Variants in RAB15 observed in about 807,000 individuals in gnomAD.
The protein encoded by RAB15 is RAB15, member RAS oncogene family, also known as ras-related protein Rab-15.
In RAB15, 13 loss-of-function variants were observed where a neutral mutation model predicts 31.8. That is an observed-to-expected ratio of 0.41 (90% CI 0.27 to 0.65). The LOEUF is 0.65. Among genes scored for constraint, RAB15 ranks in the 30% least tolerant of loss-of-function variants. The pLI, the probability that RAB15 is intolerant of heterozygous loss-of-function variation, is 0.32. For missense variants in RAB15, 220 were observed against 277.3 expected (o/e 0.79, Z 1.47); for synonymous variants, 100 against 105.6 (o/e 0.95, Z 0.33).
rs982171081 is a variant in RAB15, at chr14:64,948,817, A to C, written c.415-84T>G. ...ACCAGGCACAGGCTTCTGCCACTGC[A>C]CTCACAACCATGCTGTGTTGTGACG... On this transcript the variant is annotated intron_variant, in intron 5 of 6. Transcript: ENST00000533601. This position sits in a 1 kb window ranked among gnomAD's most constrained non-coding sequence, Gnocchi z 7.0. The C allele has an allele frequency of 5.2e-6, 6 of 1,160,334 alleles. No homozygotes were observed. In the Admixed American group the frequency reaches 7.4e-5, roughly 14 times the overall value. The allele number at this position is 1,160,334 out of a possible 1,614,324, so 71.9% of individuals were successfully genotyped here.
Position 64,952,368 on chromosome 14 carries a change from T to C in RAB15, c.185+143A>G. The stretch of plus-strand genomic sequence containing the variant: ...TTAAGGCTTATAGGAAGAGATGGGC[T>C]TCTGAGACTTCGCTTCCATCCATCA... On this transcript the variant is annotated intron_variant, in intron 2 of 6. Coordinates refer to ENST00000533601, the MANE Select transcript of RAB15 (RefSeq NM_001308154.2). This position sits in a 1 kb window ranked among gnomAD's most constrained non-coding sequence, Gnocchi z 4.2. 1.5e-6 allele frequency: 1 copy of C among 652,370 alleles called. No individual in the cohort carries two copies. The highest frequency in any genetic ancestry group is 1.9e-5 in the South Asian group (1 of 53,684). The allele number at this position is 652,370 out of a possible 1,614,324, so 40.4% of individuals were successfully genotyped here.
rs2139984707 is a variant in RAB15 at position 64,958,222 on chromosome 14, C to T, written c.125-5651G>A. On this transcript the variant is annotated intron_variant, in intron 1 of 6. Transcript: ENST00000533601. This position sits in a 1 kb window ranked among gnomAD's most constrained non-coding sequence, Gnocchi z 4.4. The stretch of plus-strand genomic sequence containing the variant: ...CTGCTGTGGTCTGAAGGTCTGTGTT[C>T]CTCCAAAATTCCCATATTGAAACTT... 6.6e-6 allele frequency: 1 copy of T among 152,356 alleles called. No homozygotes were observed. Among genetic ancestry groups the T allele is most frequent in the East Asian group, 1.9e-4 (1 of 5,184 alleles). The allele number at this position is 152,356 out of a possible 1,614,324, so 9.4% of individuals were successfully genotyped here. A position where few individuals can be genotyped will look rare whatever the true frequency, so the allele number is the denominator to read the frequency against.
intron 1 of RAB15, among the ~76,000 whole-genome samples, chr14:64,967,095 A>G (rs1014702034): frequency 5.3e-5 from 8 of 150,814 alleles, no homozygotes; most frequent in Non-Finnish European, 1.0e-4. Context: ...CAGTCCCAGC[A>G]GAACTCCTTG....
chr14:64,964,567 C>T (rs890163050), intron 1 of RAB15, among the ~76,000 whole-genome samples: 2 of 150,938 alleles, frequency 1.3e-5, no homozygotes, highest in South Asian at 4.2e-4. Flanking sequence ...AAACAAACCA[C>T]TTTTTTTTGT....
chr14:64,948,122 G>T lies in RAB15; in HGVS notation c.*232C>A. ...TCGTGGGGGTCGTAGCAGGCCTGTG[G>T]CTGGGGAAACAGGCTGAAGAAGACC... On this transcript the variant is annotated 3_prime_UTR_variant, in exon 7 of 7. Transcript: ENST00000533601. The surrounding 1 kb of genome is among the most constrained non-coding windows in gnomAD (Gnocchi z 7.0). The T allele has an allele frequency of 2.2e-6, 1 of 462,496 alleles. No homozygotes were observed. Among genetic ancestry groups the T allele is most frequent in the East Asian group, 3.4e-5 (1 of 29,080 alleles). 28.6% of individuals were successfully genotyped at this position (462,496 alleles called of 1,614,324 possible).
At position 64,950,537 on chromosome 14, in the gene RAB15, A is replaced by G; in HGVS notation, c.325-123T>C. ...AGAGCCCTAGGGACAGGGTGGGCCG[A>G]CTGGATGCAGGTGCCAGGCTCCCCC... On this transcript the variant is annotated intron_variant, in intron 4 of 6. Transcript: ENST00000533601. This position sits in a 1 kb window ranked among gnomAD's most constrained non-coding sequence, Gnocchi z 5.6. 1 of 836,878 alleles carries G rather than the reference A, an allele frequency of 1.2e-6. No homozygotes were observed. Among genetic ancestry groups the G allele is most frequent in the South Asian group, 1.4e-5 (1 of 70,918 alleles). The allele number at this position is 836,878 out of a possible 1,614,324, so 51.8% of individuals were successfully genotyped here.
chr14:64,972,008 G>C lies in RAB15; in HGVS notation c.69C>G (p.Cys23Trp). Residue 23 changes from cysteine (C) to tryptophan (W), a missense_variant, in exon 1 of 7, where the codon TGC becomes TGG. Coordinates refer to ENST00000533601, the MANE Select transcript of RAB15 (RefSeq NM_001308154.2). The surrounding 1 kb of genome is among the most constrained non-coding windows in gnomAD (Gnocchi z 6.3). ...LIGDSGVGKT[C>W]LLCRFTDNEF... ...CGTTGTCGGTGAAGCGGCACAGCAG[G>C]CAGGTCTTGCCCACCCCGGAGTCCC... 6.2e-7 allele frequency: 1 copy of C among 1,608,562 alleles called. No individual in the cohort carries two copies. Among genetic ancestry groups the C allele is most frequent in the Non-Finnish European group, 8.5e-7 (1 of 1,177,590 alleles).
At position 64,948,531 on chromosome 14, in the gene RAB15, A is replaced by G; in HGVS notation, c.481-19T>C. 1 of 1,600,186 alleles carries G rather than the reference A, an allele frequency of 6.2e-7. No individual in the cohort carries two copies. The highest frequency in any genetic ancestry group is 8.5e-7 in the Non-Finnish European group (1 of 1,172,296). The stretch of plus-strand genomic sequence containing the variant: ...TGAATGACTGGAAACCAAAGGGCAC[A>G]GGTTAGTCCAGTGTCTCCTCCTCTC... On this transcript the variant is annotated intron_variant, in intron 6 of 6. Coordinates refer to ENST00000533601, the MANE Select transcript of RAB15 (RefSeq NM_001308154.2). This position sits in a 1 kb window ranked among gnomAD's most constrained non-coding sequence, Gnocchi z 7.0.
chr14:64,950,850 T>C lies in RAB15; in HGVS notation c.324+224A>G. 1.1e-6 allele frequency: 1 copy of C among 873,124 alleles called. No homozygotes were observed. The highest frequency in any genetic ancestry group is 1.8e-6 in the Non-Finnish European group (1 of 548,922). The allele number at this position is 873,124 out of a possible 1,614,324, so 54.1% of individuals were successfully genotyped here. A position where few individuals can be genotyped will look rare whatever the true frequency, so the allele number is the denominator to read the frequency against. ...GCTCACAGGGAAGACTTGGAACTAA[T>C]TCATTTCCGGGAAAGACACAGCCGT... On this transcript the variant is annotated intron_variant, in intron 4 of 6. Coordinates refer to ENST00000533601, the MANE Select transcript of RAB15 (RefSeq NM_001308154.2). The surrounding 1 kb of genome is among the most constrained non-coding windows in gnomAD (Gnocchi z 5.6).
rs766518800 is a variant in RAB15 at position 64,951,555 on chromosome 14, G to C, written c.246+48C>G. ...ACATCTCAAATACCCAGAGCTGGGA[G>C]TGTGGGTGGCAGCTTCCCACTTTGA... On this transcript the variant is annotated intron_variant, in intron 3 of 6. Coordinates refer to ENST00000533601, the MANE Select transcript of RAB15 (RefSeq NM_001308154.2). This position sits in a 1 kb window ranked among gnomAD's most constrained non-coding sequence, Gnocchi z 7.2. 2 of 1,511,594 alleles carry C rather than the reference G, an allele frequency of 1.3e-6. No individual in the cohort carries two copies. Among genetic ancestry groups the C allele is most frequent in the Non-Finnish European group, 1.8e-6 (2 of 1,086,152 alleles). The allele number at this position is 1,511,594 out of a possible 1,614,324, so 93.6% of individuals were successfully genotyped here. A position where few individuals can be genotyped will look rare whatever the true frequency, so the allele number is the denominator to read the frequency against.
At chr14:64,963,328 C>T (rs966466810) in intron 1 of RAB15, among the ~76,000 whole-genome samples, 3 of 151,998 alleles carry the variant, frequency 2.0e-5, no homozygotes, top group African/African-American at 7.2e-5. Context: ...CCATGTTGAC[C>T]AGGCTGGGTC....
In RAB15 at chr14:64,948,381, C is replaced by T. The variant is rs779668016; in HGVS notation, c.612G>A (p.Ala204=). 67 of 1,599,612 alleles carry T rather than the reference C, an allele frequency of 4.2e-5. No individual in the cohort carries two copies. The highest frequency in any genetic ancestry group is 1.0e-4 in the South Asian group (9 of 89,102). ...AGCACCAGCAGGTTTTCGAAGAGTT[C>T]GCTGGGCCCTCGGGTTTGCCCTCCT... The part of the protein sequence containing the change: ...EEEEGKPEGP[A]NSSKTCWC Residue 204 remains alanine, a synonymous_variant, in exon 7 of 7, where the codon GCG becomes GCA. Transcript: ENST00000533601. The surrounding 1 kb of genome is among the most constrained non-coding windows in gnomAD (Gnocchi z 7.0).
rs1402137182 is a variant in RAB15 at position 64,952,475 on chromosome 14, TCTC to T, written c.185+33_185+35del. The T allele has an allele frequency of 2.6e-6, 4 of 1,553,284 alleles. No individual in the cohort carries two copies. Among genetic ancestry groups the T allele is most frequent in the Middle Eastern group, 1.7e-4 (1 of 5,932 alleles). ...GCTAAGGAGCAGCCAGAAGTCCTCT[TCTC>T]CTACATCTGCCTCCTCCTCCTCCCC... On this transcript the variant is annotated intron_variant, in intron 2 of 6. Coordinates refer to ENST00000533601, the MANE Select transcript of RAB15 (RefSeq NM_001308154.2). This position sits in a 1 kb window ranked among gnomAD's most constrained non-coding sequence, Gnocchi z 4.2.
intron 1 of RAB15, among the ~76,000 whole-genome samples, chr14:64,963,857 C>T (rs1886982310): frequency 1.3e-5 from 2 of 152,200 alleles, no homozygotes; most frequent in South Asian, 4.1e-4. Flanking sequence ...GAGAATCCTG[C>T]CTAGTCTTCA....
At position 64,950,658 on chromosome 14, in the gene RAB15, A is replaced by G; in HGVS notation, c.325-244T>C. 1 of 599,978 alleles carries G rather than the reference A, an allele frequency of 1.7e-6. No homozygotes were observed. The highest frequency in any genetic ancestry group is 2.9e-5 in the Admixed American group (1 of 33,928). 37.2% of individuals were successfully genotyped at this position (599,978 alleles called of 1,614,324 possible). On this transcript the variant is annotated intron_variant, in intron 4 of 6. Coordinates refer to ENST00000533601, the MANE Select transcript of RAB15 (RefSeq NM_001308154.2). The surrounding 1 kb of genome is among the most constrained non-coding windows in gnomAD (Gnocchi z 5.6). Reference sequence around the variant, plus strand: ...TGCTTCCTTGGGTTAGACCACTGGTATCAGAGCTGGAAAGGACATTGGATG... The same window carrying G: ...TGCTTCCTTGGGTTAGACCACTGGTGTCAGAGCTGGAAAGGACATTGGATG...
At chr14:64,964,790 TG>T (rs1210157727) in intron 1 of RAB15, among the ~76,000 whole-genome samples, 1 of 152,022 alleles carries the variant, frequency 6.6e-6, no homozygotes, top group Non-Finnish European at 1.5e-5. Context: ...TTGGCCGGGC[TG>T]GTCTCAAACT....
In RAB15 at chr14:64,971,992, T is replaced by A; in HGVS notation, c.85A>T (p.Thr29Ser). 1 of 1,604,278 alleles carries A rather than the reference T, an allele frequency of 6.2e-7. No homozygotes were observed. Among genetic ancestry groups the A allele is most frequent in the Non-Finnish European group, 8.5e-7 (1 of 1,175,656 alleles). Residue 29 changes from threonine (T) to serine (S), a missense_variant, in exon 1 of 7, where the codon ACC (threonine) becomes TCC (serine). Physicochemically the swap from Thr to Ser is moderately conservative, Grantham distance 58. Coordinates refer to ENST00000533601, the MANE Select transcript of RAB15 (RefSeq NM_001308154.2). The surrounding 1 kb of genome is among the most constrained non-coding windows in gnomAD (Gnocchi z 4.1). ...VGKTCLLCRF[T>S]DNEFHSSHIS... Reference sequence around the variant, plus strand: ...TGCGAGGAGTGGAACTCGTTGTCGGTGAAGCGGCACAGCAGGCAGGTCTTG... The same window carrying A: ...TGCGAGGAGTGGAACTCGTTGTCGGAGAAGCGGCACAGCAGGCAGGTCTTG...
Position 64,952,183 on chromosome 14 carries a change from G to A in RAB15, c.185+328C>T, listed in dbSNP as rs966002607. 6.6e-6 allele frequency among the ~76,000 whole-genome samples: 1 copy of A among 152,150 alleles called. No individual in the cohort carries two copies. The highest frequency in any genetic ancestry group is 2.4e-5 in the African/African-American group (1 of 41,428). On this transcript the variant is annotated intron_variant, in intron 2 of 6. Coordinates refer to ENST00000533601, the MANE Select transcript of RAB15 (RefSeq NM_001308154.2). The surrounding 1 kb of genome is among the most constrained non-coding windows in gnomAD (Gnocchi z 4.2). ...CAGGGTCTCGCCCTAAATGATGGGGGGTGTAGCCTCCTTCCTTCCAATCTT... is the reference window on the plus strand; with the variant it reads ...CAGGGTCTCGCCCTAAATGATGGGGAGTGTAGCCTCCTTCCTTCCAATCTT...
rs1886162700 is a variant in RAB15, at chr14:64,950,085, T to C, written c.414+240A>G. On this transcript the variant is annotated intron_variant, in intron 5 of 6. Transcript: ENST00000533601. This position sits in a 1 kb window ranked among gnomAD's most constrained non-coding sequence, Gnocchi z 5.6. ...AATCCTGCATTTGGGGACCTGGACT[T>C]GGGAGAGTTGCTGCCTATGACGTCT... Among the ~76,000 whole-genome samples the C allele has an allele frequency of 6.6e-6, 1 of 152,218 alleles. No individual in the cohort carries two copies. Among genetic ancestry groups the C allele is most frequent in the Non-Finnish European group, 1.5e-5 (1 of 68,044 alleles).
Sources: allele counts gnomAD v4.1 joint callset (sites outside exome capture counted in the v4.1 genomes callset), GRCh38; gene constraint gnomAD v4.1.1; non-coding constraint Gnocchi (gnomAD v3.1); transcripts MANE v1.5; gene names NCBI Gene and HGNC (gene_info 2026-07-23, HGNC 2026-07-21).